Variants in ADCY2 observed in about 807,000 individuals in gnomAD.
ADCY2 encodes adenylate cyclase 2, also known as adenylate cyclase type 2.
In ADCY2, 31 loss-of-function variants were observed where a neutral mutation model predicts 125.2. The ratio of observed to expected loss-of-function variants is 0.25; its 90% CI spans 0.19 to 0.33. The LOEUF (loss-of-function observed/expected upper bound fraction) is 0.33. Ranked by LOEUF, ADCY2 falls within the 10% of genes least tolerant of loss-of-function variation. The pLI, the probability that ADCY2 is intolerant of heterozygous loss-of-function variation, is 1.00. For synonymous variants in ADCY2, 512 were observed against 548.4 expected (o/e 0.93, Z 0.93); for missense variants, 904 against 1,418.2 (o/e 0.64, Z 5.82).
intron 2 of ADCY2, among the ~76,000 whole-genome samples, chr5:7,492,068 G>C (rs1743183563): frequency 2.6e-5 from 4 of 152,208 alleles, no homozygotes; most frequent in Admixed American, 2.0e-4. Context: ...GTAGATGTCT[G>C]CTTCTCAGCA....
chr5:7,630,646 G>A (rs1376924998), intron 4 of ADCY2, among the ~76,000 whole-genome samples: 1 of 152,004 alleles, frequency 6.6e-6, no homozygotes, highest in Admixed American at 6.6e-5. Context: ...TGGAGATTTT[G>A]AAGGGAGAAT....
At chr5:7,783,667 T>TA (rs1682226519) in intron 18 of ADCY2, among the ~76,000 whole-genome samples, 1 of 152,234 alleles carries the variant, frequency 6.6e-6, no homozygotes, top group Non-Finnish European at 1.5e-5. Context: ...AGGTCTTAGT[T>TA]ACAGTCCTAT....
rs759170340 is a variant in ADCY2 at position 7,827,435 on chromosome 5, C to T, written c.*564C>T. On this transcript the variant is annotated 3_prime_UTR_variant, in exon 25 of 25. Coordinates refer to ENST00000338316, the MANE Select transcript of ADCY2 (RefSeq NM_020546.3). ...TCGCCATCCGTCACCAGAATTAGTC[C>T]TCACAGCCTAGGACCAGTTTTGTAT... The T allele has an allele frequency of 2.6e-5, 4 of 153,146 alleles. No individual in the cohort carries two copies. The highest frequency in any genetic ancestry group is 1.9e-4 in the East Asian group (1 of 5,338). 9.5% of individuals were successfully genotyped at this position (153,146 alleles called of 1,614,324 possible).
At chr5:7,557,982 A>G (rs1395221162) in intron 3 of ADCY2, among the ~76,000 whole-genome samples, 1 of 151,610 alleles carries the variant, frequency 6.6e-6, no homozygotes, top group Non-Finnish European at 1.5e-5. Context: ...ACTCTCACCA[A>G]CTGTGTATAA....
intron 2 of ADCY2, among the ~76,000 whole-genome samples, chr5:7,513,119 A>ATT (rs1744131575): frequency 6.6e-6 from 1 of 151,984 alleles, no homozygotes; most frequent in Non-Finnish European, 1.5e-5. Flanking sequence ...AGAGAGAGAG[A>ATT]GAGAGAGAGA....
intron 4 of ADCY2, among the ~76,000 whole-genome samples, chr5:7,632,239 A>G (rs1354120522): frequency 1.3e-5 from 2 of 152,160 alleles, no homozygotes; most frequent in Non-Finnish European, 2.9e-5. Flanking sequence ...GCTCAGATAT[A>G]AAGGCCTTGC....
chr5:7,717,298 T>A, intron 12 of ADCY2, 61 bp downstream of exon 12: 1 of 1,234,648 alleles, frequency 8.1e-7, no homozygotes, highest in Non-Finnish European at 1.2e-6. Flanking sequence ...TTGTATTTTA[T>A]CATGGGCTCT....
intron 4 of ADCY2, among the ~76,000 whole-genome samples, chr5:7,645,955 A>G (rs996190914): frequency 1.3e-4 from 20 of 152,226 alleles, no homozygotes; most frequent in Admixed American, 1.2e-3. Flanking sequence ...ACTTCAATTT[A>G]TATGCGAAGT....
intron 4 of ADCY2, among the ~76,000 whole-genome samples, chr5:7,638,542 A>G (rs1738583767): frequency 6.6e-6 from 1 of 152,176 alleles, no homozygotes; most frequent in African/African-American, 2.4e-5. Flanking sequence ...CATGATGCCA[A>G]TGATGAAAGA....
intron 17 of ADCY2, 28 bp from the exon 18 acceptor site, chr5:7,772,904 A>G (rs904618525): frequency 2.5e-6 from 4 of 1,607,688 alleles, no homozygotes; most frequent in Non-Finnish European, 1.7e-6. Context: ...GATCCTAAGT[A>G]TCTGTCTGGT....
At chr5:7,699,448 G>C (rs1162811668) in intron 7 of ADCY2, among the ~76,000 whole-genome samples, 1 of 152,028 alleles carries the variant, frequency 6.6e-6, no homozygotes, top group African/African-American at 2.4e-5. Flanking sequence ...AATCTCACCT[G>C]TGACTATTTC....
chr5:7,532,979 T>C (rs1307667761), intron 3 of ADCY2, among the ~76,000 whole-genome samples: 1 of 151,054 alleles, frequency 6.6e-6, no homozygotes, highest in Non-Finnish European at 1.5e-5. Context: ...TACACATTTA[T>C]ATGTAAATAT....
chr5:7,824,663 C>T (rs80316739), intron 24 of ADCY2, among the ~76,000 whole-genome samples: 5,047 of 152,304 alleles, frequency 0.033, 279 homozygotes, highest in African/African-American at 0.11. Context: ...CCTCCTTTTC[C>T]TTTCTGCTCT....
At chr5:7,485,486 CAGAA>C (rs1742892349) in intron 2 of ADCY2, among the ~76,000 whole-genome samples, 2 of 151,998 alleles carry the variant, frequency 1.3e-5, no homozygotes, top group Admixed American at 6.5e-5. Context: ...GCTTTCAAAA[CAGAA>C]AGAATTATAA....
At chr5:7,769,921 G>A (rs1172369248) in intron 17 of ADCY2, among the ~76,000 whole-genome samples, 1 of 152,196 alleles carries the variant, frequency 6.6e-6, no homozygotes, top group Non-Finnish European at 1.5e-5. Context: ...TCCAATAGAA[G>A]TCGGTTCAGT....
chr5:7,720,035 T>A (rs938259275), intron 12 of ADCY2, among the ~76,000 whole-genome samples: 7 of 151,788 alleles, frequency 4.6e-5, no homozygotes, highest in African/African-American at 1.5e-4. Flanking sequence ...AAGACCTTAG[T>A]GTAAATAAGT....
At chr5:7,722,273 A>C (rs1367885720) in intron 12 of ADCY2, among the ~76,000 whole-genome samples, 2 of 152,146 alleles carry the variant, frequency 1.3e-5, no homozygotes, top group African/African-American at 4.8e-5. Flanking sequence ...GGCCATGGAA[A>C]CCTAGACTGG....
intron 7 of ADCY2, among the ~76,000 whole-genome samples, chr5:7,702,376 C>T (rs1349564597): frequency 6.6e-6 from 1 of 151,812 alleles, no homozygotes; most frequent in African/African-American, 2.4e-5. Context: ...TATCCCTCCC[C>T]GCTCCTCCCA....
At chr5:7,655,176 A>G (rs1226113312) in intron 4 of ADCY2, among the ~76,000 whole-genome samples, 2 of 152,148 alleles carry the variant, frequency 1.3e-5, no homozygotes, top group African/African-American at 4.8e-5. Context: ...TTGTGTAGGA[A>G]AGGGGCGCTA....
Sources: gnomAD v4.1 joint callset for allele counts (sites outside exome capture counted in the v4.1 genomes callset) on GRCh38, gnomAD v4.1.1 for gene constraint, MANE v1.5 for transcripts, NCBI Gene and HGNC (gene_info 2026-07-23, HGNC 2026-07-21) for gene names.